TRAPPC8: variants seen among roughly 807,000 people sequenced by gnomAD.
TRAPPC8 encodes the protein general sporulation gene 1 homolog.
Under a neutral mutation model 174.3 loss-of-function variants are expected in TRAPPC8, and 54 were observed. The ratio of observed to expected loss-of-function variants is 0.31; its 90% confidence interval spans 0.25 to 0.39. The LOEUF is 0.39. Among genes scored for constraint, TRAPPC8 ranks in the 10% least tolerant of loss-of-function variants. The probability of loss-of-function intolerance (pLI) is 1.00; values close to 1 mark genes in which losing one functional copy is unlikely to be tolerated. For missense variants in TRAPPC8, 1,531 were observed against 1,699.1 expected (o/e 0.90, Z 1.74); for synonymous variants, 630 against 579.9 (o/e 1.09, Z -1.24).
At chr18:31,840,563 C>T (rs2033036730) in intron 26 of TRAPPC8, among the ~76,000 whole-genome samples, 1 of 151,982 alleles carries the variant, frequency 6.6e-6, no homozygotes, top group Non-Finnish European at 1.5e-5. Context: ...TTATCTATAC[C>T]AGCAATTGGC....
rs1289854431 is a variant in TRAPPC8 at position 31,908,913 on chromosome 18, A to C, written c.963T>G (p.Ala321=). The change falls in exon 7 of 29, where the codon GCT becomes GCG. Residue 321 remains alanine (A), a synonymous_variant. Transcript: ENST00000283351. The part of the protein sequence containing the change: ...SIDGPDHLRS[A]SSLHETKKGN... ...CTTTCTTTGTTTCATGTAACGATGA[A>C]GCAGATCTTAGATGATCTGGGCCAT... 1 of 1,613,730 alleles carries C rather than the reference A, an allele frequency of 6.2e-7. No individual in the cohort carries two copies. The highest frequency in any genetic ancestry group is 2.2e-5 in the East Asian group (1 of 44,872).
At chr18:31,920,426 C>T (rs2037332637) in intron 2 of TRAPPC8, among the ~76,000 whole-genome samples, 1 of 152,144 alleles carries the variant, frequency 6.6e-6, no homozygotes, top group Non-Finnish European at 1.5e-5. Context: ...CCCATATATC[C>T]TACATAGTCT....
At chr18:31,893,315 T>C (rs2036039989) in intron 11 of TRAPPC8, among the ~76,000 whole-genome samples, 1 of 152,142 alleles carries the variant, frequency 6.6e-6, no homozygotes, top group South Asian at 2.1e-4. Context: ...AGATATTACA[T>C]CAAACTAAGA....
At chr18:31,892,498 TTGA>T (rs1291488968) in intron 11 of TRAPPC8, among the ~76,000 whole-genome samples, 1 of 152,214 alleles carries the variant, frequency 6.6e-6, no homozygotes, top group African/African-American at 2.4e-5. Flanking sequence ...ATAAAATGAT[TTGA>T]TAACTATCCT....
chr18:31,835,615 T>A (rs979508949), intron 27 of TRAPPC8, among the ~76,000 whole-genome samples: 1 of 152,208 alleles, frequency 6.6e-6, no homozygotes, highest in African/African-American at 2.4e-5. Flanking sequence ...CTTTCTCAAT[T>A]ATACTCTCTC....
chr18:31,886,735 T>C (rs1219710813), intron 12 of TRAPPC8, among the ~76,000 whole-genome samples: 1 of 152,158 alleles, frequency 6.6e-6, no homozygotes, highest in Non-Finnish European at 1.5e-5. Flanking sequence ...GTAATCTCAG[T>C]ACTTTGGGAG....
At chr18:31,895,379 C>T (rs2036139517) in intron 11 of TRAPPC8, among the ~76,000 whole-genome samples, 1 of 152,070 alleles carries the variant, frequency 6.6e-6, no homozygotes, top group African/African-American at 2.4e-5. Context: ...CAGAAAAGGC[C>T]ATTAAGAATC....
At chr18:31,848,179 A>G (rs2033508770) in intron 25 of TRAPPC8, among the ~76,000 whole-genome samples, 2 of 152,180 alleles carry the variant, frequency 1.3e-5, no homozygotes, top group Admixed American at 1.3e-4. Context: ...TTAATAACCC[A>G]TTATTTAATG....
Position 31,863,836 on chromosome 18 carries a change from T to C in TRAPPC8, c.2745+791A>G, listed in dbSNP as rs148684872. The stretch of plus-strand genomic sequence containing the variant: ...CATCTTTCTTCTAGAAACTTGAAAT[T>C]TGAAGTGGCTCAAAGACTGAAAATT... On this transcript the variant is annotated intron_variant, in intron 19 of 28. Coordinates refer to ENST00000283351, the MANE Select transcript of TRAPPC8 (RefSeq NM_014939.5). 2.8e-3 allele frequency among the ~76,000 whole-genome samples: 423 copies of C among 152,096 alleles called. 2 individuals are homozygous for C. Among genetic ancestry groups the C allele is most frequent in the African/African-American group, 8.7e-3 (363 of 41,512 alleles).
At chr18:31,895,137 C>T (rs2036130732) in intron 11 of TRAPPC8, among the ~76,000 whole-genome samples, 3 of 152,102 alleles carry the variant, frequency 2.0e-5, no homozygotes, top group African/African-American at 7.2e-5. Context: ...CTATCTTTTG[C>T]TATGACGGTA....
At chr18:31,937,257 G>A (rs1006418478) in intron 1 of TRAPPC8, among the ~76,000 whole-genome samples, 1 of 152,154 alleles carries the variant, frequency 6.6e-6, no homozygotes, top group Non-Finnish European at 1.5e-5. Context: ...AAGGCCGGTC[G>A]CAGTGGCTCG....
At chr18:31,838,098 T>C (rs990614843) in intron 27 of TRAPPC8, among the ~76,000 whole-genome samples, 2 of 152,148 alleles carry the variant, frequency 1.3e-5, no homozygotes, top group African/African-American at 4.8e-5. Flanking sequence ...GCCTCCCAAG[T>C]AGCTGGAACT....
intron 26 of TRAPPC8, among the ~76,000 whole-genome samples, chr18:31,844,019 A>C (rs918242376): frequency 1.3e-5 from 2 of 152,168 alleles, no homozygotes; most frequent in Admixed American, 6.5e-5. Context: ...GCTCTCAATC[A>C]GTTTGGGTAC....
intron 1 of TRAPPC8, among the ~76,000 whole-genome samples, chr18:31,940,491 A>AT (rs1246844077): frequency 2.0e-5 from 3 of 151,848 alleles, no homozygotes; most frequent in African/African-American, 7.3e-5. Flanking sequence ...AAAAAAACTA[A>AT]TTTCACTTGT....
intron 12 of TRAPPC8, among the ~76,000 whole-genome samples, chr18:31,882,482 G>A (rs576660741): frequency 6.6e-6 from 1 of 151,776 alleles, no homozygotes; most frequent in Non-Finnish European, 1.5e-5. Flanking sequence ...AGGAAGTGAG[G>A]GTTGAAAAAC....
chr18:31,851,787 G>A (rs923269929), intron 24 of TRAPPC8, among the ~76,000 whole-genome samples: 8 of 151,792 alleles, frequency 5.3e-5, no homozygotes, highest in Non-Finnish European at 4.4e-5. Context: ...GATATGATAC[G>A]GTATGCCAAA....
intron 19 of TRAPPC8, among the ~76,000 whole-genome samples, chr18:31,862,977 G>A (rs1483404335): frequency 1.3e-5 from 2 of 150,744 alleles, no homozygotes; most frequent in African/African-American, 4.9e-5. Context: ...GCTTGAACCT[G>A]GGAGACGGAG....
At chr18:31,849,843 T>C in intron 24 of TRAPPC8, 104 bp from the exon 25 acceptor site, 1 of 1,172,958 alleles carries the variant, frequency 8.5e-7, no homozygotes, top group Non-Finnish European at 1.1e-6. Context: ...CCAAAATTTT[T>C]ATTTCTATAG....
intron 19 of TRAPPC8, among the ~76,000 whole-genome samples, chr18:31,863,800 A>T (rs1161976612): frequency 6.6e-6 from 1 of 152,038 alleles, no homozygotes; most frequent in Non-Finnish European, 1.5e-5. Flanking sequence ...AGCCTGATCC[A>T]AAGTGGACCA....
Sources: gnomAD v4.1 joint callset for allele counts (sites outside exome capture counted in the v4.1 genomes callset) on GRCh38, gnomAD v4.1.1 for gene constraint, MANE v1.5 for transcripts, NCBI Gene and HGNC (gene_info 2026-07-23, HGNC 2026-07-21) for gene names.